The following MAGI2 variants were observed in gnomAD, a reference collection of about 807,000 sequenced individuals.
MAGI2 encodes membrane associated guanylate kinase, WW and PDZ domain containing 2.
MAGI2 carries 35 observed loss-of-function variants against 133.3 expected under a neutral mutation model. The observed-to-expected ratio is 0.26, with a 90% CI of 0.20 to 0.35. The LOEUF (loss-of-function observed/expected upper bound fraction) is 0.35, where lower values mean the gene tolerates loss of function less well. Ranked by LOEUF, MAGI2 falls within the 10% of genes least tolerant of loss-of-function variation. The pLI is 1.00. For missense variants in MAGI2, 1,636 were observed against 1,863.4 expected (o/e 0.88, Z 2.25); for synonymous variants, 729 against 710.6 (o/e 1.03, Z -0.41).
chr7:78,388,836 T>A (rs1795641934), intron 6 of MAGI2, among the ~76,000 whole-genome samples: 1 of 152,196 alleles, frequency 6.6e-6, no homozygotes. Context: ...AATTATTTCA[T>A]TAGTTCACAA....
At chr7:78,401,337 A>G (rs943195045) in intron 6 of MAGI2, among the ~76,000 whole-genome samples, 1 of 152,130 alleles carries the variant, frequency 6.6e-6, no homozygotes, top group Non-Finnish European at 1.5e-5. Flanking sequence ...CAATCTTTCA[A>G]CCCCTAAGAT....
intron 2 of MAGI2, among the ~76,000 whole-genome samples, chr7:78,951,940 A>C (rs2151703124): frequency 6.6e-6 from 1 of 152,246 alleles, no homozygotes; most frequent in African/African-American, 2.4e-5. Context: ...CTAATATCCT[A>C]ACATTTCACA....
chr7:78,645,134 G>T (rs114448474), intron 2 of MAGI2, among the ~76,000 whole-genome samples: 214 of 151,602 alleles, frequency 1.4e-3, no homozygotes, highest in African/African-American at 5.0e-3. Flanking sequence ...GTGTGTGTAT[G>T]TCAGTGTGTG....
At chr7:79,345,068 C>T (rs746380564) in intron 1 of MAGI2, among the ~76,000 whole-genome samples, 46 of 151,948 alleles carry the variant, frequency 3.0e-4, no homozygotes, top group Non-Finnish European at 5.1e-4. Flanking sequence ...GAATTGTGTC[C>T]TCCTAAATGC....
chr7:78,196,150 C>G (rs1828710783), intron 11 of MAGI2, among the ~76,000 whole-genome samples: 1 of 152,148 alleles, frequency 6.6e-6, no homozygotes. Flanking sequence ...CTTCATTTCT[C>G]TTTCTACATG....
chr7:79,275,541 C>T (rs1835168768), intron 1 of MAGI2, among the ~76,000 whole-genome samples: 1 of 152,150 alleles, frequency 6.6e-6, no homozygotes, highest in African/African-American at 2.4e-5. Context: ...GAAGCTGCAG[C>T]AAGTTATCTA....
chr7:78,632,719 T>A (rs1344830922), intron 2 of MAGI2, among the ~76,000 whole-genome samples: 1 of 152,180 alleles, frequency 6.6e-6, no homozygotes, highest in African/African-American at 2.4e-5. Flanking sequence ...ACACAGACAC[T>A]TACATGTCAA....
intron 9 of MAGI2, among the ~76,000 whole-genome samples, chr7:78,321,242 C>G (rs1482648510): frequency 6.6e-6 from 1 of 152,172 alleles, no homozygotes; most frequent in Non-Finnish European, 1.5e-5. Context: ...CTACCATTGA[C>G]TTTCTTCACA....
intron 6 of MAGI2, among the ~76,000 whole-genome samples, chr7:78,372,334 G>A (rs985774567): frequency 2.0e-5 from 3 of 152,108 alleles, no homozygotes; most frequent in Admixed American, 6.5e-5. Flanking sequence ...TAAGCTATTT[G>A]GACTTGGATT....
At chr7:78,987,325 TATA>T (rs1326640386) in intron 2 of MAGI2, among the ~76,000 whole-genome samples, 1 of 152,100 alleles carries the variant, frequency 6.6e-6, no homozygotes, top group Non-Finnish European at 1.5e-5. Flanking sequence ...AGCATCTGCT[TATA>T]ATGACTATTA....
At chr7:79,278,101 G>A (rs1316219125) in intron 1 of MAGI2, among the ~76,000 whole-genome samples, 1 of 152,166 alleles carries the variant, frequency 6.6e-6, no homozygotes, top group Non-Finnish European at 1.5e-5. Flanking sequence ...GATCAAGGGG[G>A]CAGATCCCTC....
intron 1 of MAGI2, among the ~76,000 whole-genome samples, chr7:79,032,271 C>A (rs1044719295): frequency 2.6e-5 from 4 of 152,126 alleles, no homozygotes; most frequent in Non-Finnish European, 5.9e-5. Context: ...AATCCCAGAA[C>A]TTTGGAAGGC....
intron 1 of MAGI2, among the ~76,000 whole-genome samples, chr7:79,060,421 T>C (rs1445421144): frequency 6.6e-6 from 1 of 152,106 alleles, no homozygotes; most frequent in Non-Finnish European, 1.5e-5. Flanking sequence ...TATTGGAATA[T>C]GGATACTTAC....
At chr7:79,243,533 G>T (rs1832579429) in intron 1 of MAGI2, among the ~76,000 whole-genome samples, 1 of 152,022 alleles carries the variant, frequency 6.6e-6, no homozygotes, top group Admixed American at 6.6e-5. Context: ...GGAGTTAGTG[G>T]GTTAAAAATA....
chr7:79,323,278 A>T (rs1309961757), intron 1 of MAGI2, among the ~76,000 whole-genome samples: 1 of 152,204 alleles, frequency 6.6e-6, no homozygotes, highest in African/African-American at 2.4e-5. Flanking sequence ...CAAATGGAAG[A>T]TAAAAATAAG....
intron 18 of MAGI2, among the ~76,000 whole-genome samples, chr7:78,128,822 A>C (rs1821256951): frequency 6.6e-6 from 1 of 152,186 alleles, no homozygotes; most frequent in Admixed American, 6.5e-5. Context: ...CATTCCTTTT[A>C]TGAGGTGCAT....
chr7:79,238,076 A>T (rs189048894), intron 1 of MAGI2, among the ~76,000 whole-genome samples: 1 of 152,322 alleles, frequency 6.6e-6, no homozygotes, highest in Non-Finnish European at 1.5e-5. Flanking sequence ...TAAGAGTTAC[A>T]AATCTAAGCA....
chr7:78,808,491 C>T (rs1007274023), intron 2 of MAGI2, among the ~76,000 whole-genome samples: 1 of 152,170 alleles, frequency 6.6e-6, no homozygotes, highest in Non-Finnish European at 1.5e-5. Flanking sequence ...CTCTTGACCT[C>T]GTGATCCGCC....
chr7:79,098,046 C>T (rs1022709125), intron 1 of MAGI2, among the ~76,000 whole-genome samples: 14 of 152,108 alleles, frequency 9.2e-5, no homozygotes, highest in Admixed American at 5.2e-4. Context: ...CACTTGAATC[C>T]GGGAGGCGGA....
Sources: gnomAD v4.1 joint callset for allele counts (sites outside exome capture counted in the v4.1 genomes callset) on GRCh38, gnomAD v4.1.1 for gene constraint, MANE v1.5 for transcripts, NCBI Gene and HGNC (gene_info 2026-07-23, HGNC 2026-07-21) for gene names.